Variants in TRPC6 observed in about 807,000 individuals in gnomAD.
The protein encoded by TRPC6 is short transient receptor potential channel 6.
In TRPC6, 55 loss-of-function variants were observed where a neutral mutation model predicts 90.7. The observed-to-expected ratio is 0.61, with a 90% CI of 0.49 to 0.76. TRPC6 has a LOEUF of 0.76. TRPC6 is among the 30% of genes least tolerant of loss of function. The probability of loss-of-function intolerance (pLI) is 0.00; values close to 1 mark genes in which losing one functional copy is unlikely to be tolerated. For missense variants in TRPC6, 989 were observed against 1,122.7 expected (o/e 0.88, Z 1.70); for synonymous variants, 393 against 393.0 (o/e 1.00, Z 0.00).
chr11:101,553,938 T>G (rs1479213310), intron 1 of TRPC6, among the ~76,000 whole-genome samples: 6 of 152,050 alleles, frequency 3.9e-5, no homozygotes, highest in Admixed American at 6.6e-5. Context: ...CCGTTGTAAG[T>G]GTTCATAGTT....
chr11:101,504,895 T>C, intron 1 of TRPC6, 97 bp from the exon 2 acceptor site: 1 of 1,394,072 alleles, frequency 7.2e-7, no homozygotes, highest in Non-Finnish European at 9.8e-7. Context: ...TCAAGTATAT[T>C]AGATGTTGTC....
intron 1 of TRPC6, among the ~76,000 whole-genome samples, chr11:101,576,642 A>T (rs1249525249): frequency 6.6e-6 from 1 of 152,206 alleles, no homozygotes; most frequent in Non-Finnish European, 1.5e-5. Context: ...TGGTAATTTT[A>T]TCCAACTGGA....
At chr11:101,455,723 G>A (rs535496722) in intron 10 of TRPC6, 1 of 152,366 alleles carries the variant, frequency 6.6e-6, no homozygotes, top group Admixed American at 6.5e-5. Flanking sequence ...ATGCTAAGAG[G>A]ATGATTTAAA....
chr11:101,575,085 T>C (rs1209583404), intron 1 of TRPC6, among the ~76,000 whole-genome samples: 1 of 152,176 alleles, frequency 6.6e-6, no homozygotes. Context: ...ACGAATACCA[T>C]GTAAATGCTT....
Position 101,476,488 on chromosome 11 carries a change from C to A in TRPC6, c.1557G>T (p.Lys519Asn), listed in dbSNP as rs1451241250. The A allele has an allele frequency of 2.5e-6, 4 of 1,613,996 alleles. No individual in the cohort carries two copies. The highest frequency in any genetic ancestry group is 3.4e-6 in the Non-Finnish European group (4 of 1,180,002). The change falls in exon 6 of 13, where the codon AAG (lysine) becomes AAT (asparagine). Residue 519 changes from lysine to asparagine, a missense_variant. Around this residue, in one of 4 missense-constraint regions of TRPC6, gnomAD observed 486 missense variants for 591.9 expected, o/e 0.82. Transcript: ENST00000344327. Reference sequence around the variant, plus strand: ...TGTTCCACAACTCAAACAAATATTCCTTGGGGCCCTGAGTCCAGATTTCTT... The same window carrying A: ...TGTTCCACAACTCAAACAAATATTCATTGGGGCCCTGAGTCCAGATTTCTT... ...ECKEIWTQGP[K>N]EYLFELWNML...
chr11:101,570,654 C>G (rs2136885905), intron 1 of TRPC6, among the ~76,000 whole-genome samples: 1 of 152,286 alleles, frequency 6.6e-6, no homozygotes, highest in African/African-American at 2.4e-5. Context: ...TCCAGCAGCA[C>G]ATCAAAAAGC....
At chr11:101,555,791 A>G (rs543206980) in intron 1 of TRPC6, among the ~76,000 whole-genome samples, 5 of 152,166 alleles carry the variant, frequency 3.3e-5, no homozygotes, top group Non-Finnish European at 5.9e-5. Context: ...TATAAATAAA[A>G]TTTATTTACA....
chr11:101,578,745 A>C (rs533028361), intron 1 of TRPC6, among the ~76,000 whole-genome samples: 1 of 152,290 alleles, frequency 6.6e-6, no homozygotes, highest in East Asian at 1.9e-4. Context: ...TGGAGCACTG[A>C]CTCCATTAAT....
intron 1 of TRPC6, among the ~76,000 whole-genome samples, chr11:101,540,858 G>A (rs4469858): frequency 0.74 from 111,968 of 152,056 alleles, 41,753 homozygotes; most frequent in South Asian, 0.83. Context: ...TCTGTGGAGA[G>A]GAGATAAAGG....
intron 10 of TRPC6, among the ~76,000 whole-genome samples, chr11:101,464,040 T>C (rs556972311): frequency 2.4e-4 from 36 of 152,368 alleles, no homozygotes; most frequent in African/African-American, 7.5e-4. Flanking sequence ...GACATCTTTA[T>C]TTCTGCCTTC....
chr11:101,454,330 G>A (rs1174513689), intron 11 of TRPC6, among the ~76,000 whole-genome samples: 1 of 151,932 alleles, frequency 6.6e-6, no homozygotes, highest in African/African-American at 2.4e-5. Flanking sequence ...CCTAAGCCAA[G>A]GTTAAATGGT....
chr11:101,500,209 T>G (rs1187673285), intron 2 of TRPC6, among the ~76,000 whole-genome samples: 1 of 117,178 alleles, frequency 8.5e-6, no homozygotes, highest in Non-Finnish European at 1.8e-5. Context: ...GTATTTTTTT[T>G]CTTTCTTTTT....
intron 1 of TRPC6, among the ~76,000 whole-genome samples, chr11:101,544,877 AT>A (rs869101216): frequency 3.8e-5 from 5 of 132,762 alleles, no homozygotes; most frequent in African/African-American, 5.6e-5. Context: ...TTAAAGTATA[AT>A]TAAAAAAAAT....
chr11:101,470,417 T>G (rs924821827), intron 9 of TRPC6, among the ~76,000 whole-genome samples: 1 of 152,160 alleles, frequency 6.6e-6, no homozygotes, highest in Non-Finnish European at 1.5e-5. Flanking sequence ...ATATGACACT[T>G]TATCCATATG....
At chr11:101,555,259 A>G (rs1861536848) in intron 1 of TRPC6, among the ~76,000 whole-genome samples, 1 of 152,234 alleles carries the variant, frequency 6.6e-6, no homozygotes, top group African/African-American at 2.4e-5. Context: ...GTCATGGAAC[A>G]TACGAGGACT....
chr11:101,469,429 G>A lies in TRPC6; in HGVS notation c.2482C>T (p.Gln828Ter). ...DLSKLSLDKKQVGHNKQPSIR... is the reference protein window; with the variant it reads ...DLSKLSLDKK ...CATATTTTCAAATATGAGCTTACCT[G>A]TTTTTTGTCAAGTGATAATTTTGAA... Residue 828 changes from glutamine to a stop codon, truncating the protein, a stop_gained and splice_region_variant, in exon 10 of 13, where the codon CAG becomes TAG. Coordinates refer to ENST00000344327, the MANE Select transcript of TRPC6 (RefSeq NM_004621.6). LOFTEE classifies it high-confidence loss of function. 1 of 770,938 alleles carries A rather than the reference G, an allele frequency of 1.3e-6. No homozygotes were observed. The highest frequency in any genetic ancestry group is 2.4e-5 in the East Asian group (1 of 41,010). 47.8% of individuals were successfully genotyped at this position (770,938 alleles called of 1,614,324 possible).
intron 5 of TRPC6, among the ~76,000 whole-genome samples, chr11:101,482,020 C>T (rs1859563030): frequency 6.6e-6 from 1 of 152,176 alleles, no homozygotes; most frequent in Admixed American, 6.5e-5. Context: ...CCTCAAAGTA[C>T]CACATTGAAG....
chr11:101,488,838 A>T, intron 4 of TRPC6, 99 bp downstream of exon 4: 1 of 1,355,940 alleles, frequency 7.4e-7, no homozygotes, highest in Non-Finnish European at 1.0e-6. Context: ...ACTGAAACCC[A>T]ACTGTGATTC....
At chr11:101,462,601 GCTCT>G (rs1326879545) in intron 10 of TRPC6, among the ~76,000 whole-genome samples, 1 of 152,022 alleles carries the variant, frequency 6.6e-6, no homozygotes, top group East Asian at 1.9e-4. Flanking sequence ...TCATGATTTG[GCTCT>G]CTGTCTGTTA....
Sources: gnomAD v4.1 joint callset for allele counts (sites outside exome capture counted in the v4.1 genomes callset) on GRCh38, gnomAD v4.1.1 for gene constraint, gnomAD v4.1.1 regional missense constraint, MANE v1.5 for transcripts, NCBI Gene and HGNC (gene_info 2026-07-23, HGNC 2026-07-21) for gene names.